Variants in TBC1D9B observed in about 807,000 individuals in gnomAD.
TBC1D9B encodes TBC1 domain family member 9B.
Under a neutral mutation model 121.1 loss-of-function variants are expected in TBC1D9B, and 87 were observed. The ratio of observed to expected loss-of-function variants is 0.72; its 90% CI spans 0.60 to 0.86. TBC1D9B has a LOEUF of 0.86. Ranked by LOEUF, TBC1D9B falls within the 40% of genes least tolerant of loss-of-function variation. TBC1D9B has a pLI of 0.00. For synonymous variants in TBC1D9B, 668 were observed against 670.1 expected (o/e 1.00, Z 0.05); for missense variants, 1,540 against 1,628.6 (o/e 0.95, Z 0.94).
chr5:179,877,907 T>C (rs1760406116), intron 10 of TBC1D9B, among the ~76,000 whole-genome samples: 1 of 152,142 alleles, frequency 6.6e-6, no homozygotes, highest in Non-Finnish European at 1.5e-5. Flanking sequence ...GATCGGGGCA[T>C]GTTTAATGGG....
At chr5:179,867,377 A>G in intron 18 of TBC1D9B, 2 of 1,474,344 alleles carry the variant, frequency 1.4e-6, no homozygotes, top group Non-Finnish European at 1.8e-6. Context: ...AAGAGCTTCC[A>G]GGCTTCCTGA....
At chr5:179,867,272 C>T in intron 18 of TBC1D9B, 1 of 701,254 alleles carries the variant, frequency 1.4e-6, no homozygotes, top group Non-Finnish European at 2.3e-6. Context: ...CCACCTACAG[C>T]AGACACGGAG....
chr5:179,906,173 G>C (rs572638332), intron 1 of TBC1D9B, among the ~76,000 whole-genome samples: 2 of 152,334 alleles, frequency 1.3e-5, no homozygotes, highest in South Asian at 4.1e-4. Flanking sequence ...ATCCCTGTCT[G>C]CTCCTCTTCA....
Position 179,883,211 on chromosome 5 carries a change from A to C in TBC1D9B, c.1255-3422T>G, listed in dbSNP as rs535022037. The stretch of plus-strand genomic sequence containing the variant: ...GAACAGTTTTATGAGATTTTATGTC[A>C]ATATCGACTATTTTGTGTTGATTTT... On this transcript the variant is annotated intron_variant, in intron 7 of 20. Coordinates refer to ENST00000355235, the MANE Select transcript of TBC1D9B (RefSeq NM_015043.4). Among the ~76,000 whole-genome samples the C allele has an allele frequency of 5.3e-5, 8 of 152,274 alleles. No homozygotes were observed. The East Asian group carries it at 1.5e-3, about 29-fold the overall frequency.
chr5:179,879,803 C>T lies in TBC1D9B; in HGVS notation c.1255-14G>A. On this transcript the variant is annotated splice_polypyrimidine_tract_variant and intron_variant, in intron 7 of 20. Transcript: ENST00000355235. ...AGCTGGGGAAGACTAGAAAATAAAA[C>T]AGGGAAGGGGACGCCCTAACAACTG... 3 of 1,602,412 alleles carry T rather than the reference C, an allele frequency of 1.9e-6. No individual in the cohort carries two copies. The highest frequency in any genetic ancestry group is 2.6e-6 in the Non-Finnish European group (3 of 1,174,640).
intron 1 of TBC1D9B, among the ~76,000 whole-genome samples, chr5:179,905,648 T>C (rs1761291041): frequency 6.6e-6 from 1 of 152,244 alleles, no homozygotes; most frequent in Admixed American, 6.5e-5. Flanking sequence ...TTTGTCAGTG[T>C]CACTATTTCC....
intron 17 of TBC1D9B, chr5:179,868,606 A>G (rs935723140): frequency 2.0e-5 from 3 of 152,210 alleles, no homozygotes; most frequent in African/African-American, 7.2e-5. Flanking sequence ...TCATGCTCCT[A>G]TGGGCGCACA....
intron 7 of TBC1D9B, among the ~76,000 whole-genome samples, chr5:179,886,361 G>A (rs765501175): frequency 1.3e-5 from 2 of 152,188 alleles, no homozygotes; most frequent in Non-Finnish European, 1.5e-5. Flanking sequence ...TTGGATGCAT[G>A]AAGCCGAGTG....
At chr5:179,869,293 G>A in intron 17 of TBC1D9B, 1 of 339,264 alleles carries the variant, frequency 2.9e-6, no homozygotes, top group Non-Finnish European at 5.8e-6. Flanking sequence ...CCTGCCCCCT[G>A]CACAGACAGC....
At chr5:179,868,045 CTTTT>C (rs982009045) in intron 17 of TBC1D9B, 196 bp from the exon 18 acceptor site, 6 of 365,866 alleles carry the variant, frequency 1.6e-5, no homozygotes, top group African/African-American at 1.3e-4. Context: ...CTTTCCTCAG[CTTTT>C]TTTTTTTTAA....
At chr5:179,872,848 G>GCCCCCCCACCCCCCCC in intron 14 of TBC1D9B, 44 bp downstream of exon 14, 4 of 1,457,250 alleles carry the variant, frequency 2.7e-6, no homozygotes, top group East Asian at 2.4e-5. Context: ...AGGCACTGCT[G>GCCCCCCCACCCCCCCC]CCCCCCCAGC....
chr5:179,907,866 C>A lies in TBC1D9B; in HGVS notation c.-45G>T, dbSNP rs1306020917. The A allele has an allele frequency of 4.0e-6, 4 of 1,002,136 alleles. No homozygotes were observed. The highest frequency in any genetic ancestry group is 4.8e-6 in the Non-Finnish European group (4 of 834,588). 62.1% of individuals were successfully genotyped at this position (1,002,136 alleles called of 1,614,324 possible). A position where few individuals can be genotyped will look rare whatever the true frequency, so the allele number is the denominator to read the frequency against. The stretch of plus-strand genomic sequence containing the variant: ...GGCCGAGGCCCGCGAGACGGAAGCG[C>A]CCGCCGCCGTCGGCGTCCCGGAGCG... On this transcript the variant is annotated 5_prime_UTR_variant, in exon 1 of 21. Coordinates refer to ENST00000355235, the MANE Select transcript of TBC1D9B (RefSeq NM_015043.4). This position sits in a 1 kb window ranked among gnomAD's most constrained non-coding sequence, Gnocchi z 5.3.
chr5:179,883,186 G>A (rs1760587353), intron 7 of TBC1D9B, among the ~76,000 whole-genome samples: 1 of 152,130 alleles, frequency 6.6e-6, no homozygotes, highest in Non-Finnish European at 1.5e-5. Flanking sequence ...CTTTAAAATT[G>A]AACAGTTTTA....
Position 179,863,005 on chromosome 5 carries a change from A to G in TBC1D9B, c.*443T>C. On this transcript the variant is annotated 3_prime_UTR_variant, in exon 21 of 21. Coordinates refer to ENST00000355235, the MANE Select transcript of TBC1D9B (RefSeq NM_015043.4). The surrounding 1 kb of genome is among the most constrained non-coding windows in gnomAD (Gnocchi z 4.5). ...TCCATCACTTTGGTGCCCAACAAGC[A>G]CATGCCCCCCAACCTGGTGCCAAGA... 1 of 260,314 alleles carries G rather than the reference A, an allele frequency of 3.8e-6. No homozygotes were observed. Among genetic ancestry groups the G allele is most frequent in the South Asian group, 4.4e-5 (1 of 22,896 alleles). 16.1% of individuals were successfully genotyped at this position (260,314 alleles called of 1,614,324 possible).
chr5:179,876,389 C>T (rs1039621596), intron 10 of TBC1D9B, among the ~76,000 whole-genome samples: 2 of 152,172 alleles, frequency 1.3e-5, no homozygotes, highest in African/African-American at 4.8e-5. Context: ...AACATCAACA[C>T]ATCACACTTC....
rs1008340087 is a variant in TBC1D9B, at chr5:179,863,396, T to A, written c.*52A>T. 3.2e-6 allele frequency: 5 copies of A among 1,565,926 alleles called. No individual in the cohort carries two copies. Among genetic ancestry groups the A allele is most frequent in the Middle Eastern group, 2.0e-4 (1 of 5,026 alleles). ...ATAAGGGAGGAAAGGCAGGAGGAGA[T>A]GAGGCCAGCCCCACTGATGACACCT... On this transcript the variant is annotated 3_prime_UTR_variant, in exon 21 of 21. Coordinates refer to ENST00000355235, the MANE Select transcript of TBC1D9B (RefSeq NM_015043.4). This position sits in a 1 kb window ranked among gnomAD's most constrained non-coding sequence, Gnocchi z 4.5.
At chr5:179,905,162 C>T (rs939677678) in intron 1 of TBC1D9B, among the ~76,000 whole-genome samples, 4 of 152,046 alleles carry the variant, frequency 2.6e-5, no homozygotes, top group African/African-American at 7.2e-5. Context: ...TGCTTTAGAC[C>T]GAGAAAGTAC....
At position 179,875,499 on chromosome 5, in the gene TBC1D9B, A is replaced by C. The variant is rs975227217; in HGVS notation, c.1901-312T>G. The stretch of plus-strand genomic sequence containing the variant: ...ACTCTGTCCCATCCTGATGATTGTG[A>C]ATAGACGCAGCTCTGAAGGACCCCA... On this transcript the variant is annotated intron_variant, in intron 11 of 20. Transcript: ENST00000355235. This position sits in a 1 kb window ranked among gnomAD's most constrained non-coding sequence, Gnocchi z 4.5. Among the ~76,000 whole-genome samples, 2 of 152,222 alleles carry C rather than the reference A, an allele frequency of 1.3e-5. No homozygotes were observed. The highest frequency in any genetic ancestry group is 2.4e-5 in the African/African-American group (1 of 41,452).
In TBC1D9B at chr5:179,872,867, T is replaced by G. The variant is rs532795; in HGVS notation, c.2415+25A>C. The stretch of plus-strand genomic sequence containing the variant: ...ACTGCTGCCCCCCCAGCCCAGCCCC[T>G]GCCCAGCCCTGCTGGCACCCATACC... On this transcript the variant is annotated intron_variant, in intron 14 of 20. Coordinates refer to ENST00000355235, the MANE Select transcript of TBC1D9B (RefSeq NM_015043.4). 1.1e-3 allele frequency: 1,492 copies of G among 1,332,112 alleles called. 21 individuals carry two copies. In the African/African-American group the frequency reaches 0.019, roughly 17 times the overall value. The allele number at this position is 1,332,112 out of a possible 1,614,324, so 82.5% of individuals were successfully genotyped here.
Sources: allele counts gnomAD v4.1 joint callset (sites outside exome capture counted in the v4.1 genomes callset), GRCh38; gene constraint gnomAD v4.1.1; non-coding constraint Gnocchi (gnomAD v3.1); transcripts MANE v1.5; gene names NCBI Gene and HGNC (gene_info 2026-07-23, HGNC 2026-07-21).